Variants in ULK4 observed in about 807,000 individuals in gnomAD.
ULK4 encodes the protein unc-51 like kinase 4.
A neutral mutation model predicts 160.6 loss-of-function variants in ULK4; 133 were observed. That is an observed-to-expected ratio of 0.83 (90% CI 0.72 to 0.96). ULK4 has a LOEUF of 0.96. Among genes scored for constraint, ULK4 ranks in the 40% least tolerant of loss-of-function variants. ULK4 has a pLI of 0.00. For synonymous variants in ULK4, 534 were observed against 539.8 expected, an observed-to-expected ratio of 0.99 and a Z score of 0.15; for missense variants, 1,580 against 1,499.5, an observed-to-expected ratio of 1.05 and a Z score of -0.89.
chr3:41,375,437 G>C (rs2081467336), intron 35 of ULK4, among the ~76,000 whole-genome samples: 1 of 149,970 alleles, frequency 6.7e-6, no homozygotes, highest in Non-Finnish European at 1.5e-5. Flanking sequence ...CAGAGATATA[G>C]ACCAATGGAA....
intron 31 of ULK4, among the ~76,000 whole-genome samples, chr3:41,610,026 T>A (rs1016659645): frequency 1.2e-4 from 18 of 151,472 alleles, no homozygotes; most frequent in African/African-American, 1.9e-4. Flanking sequence ...TTTTATTTTT[T>A]TTTTTTTGGA....
chr3:41,858,386 G>A (rs955874359), intron 17 of ULK4, among the ~76,000 whole-genome samples: 3 of 151,372 alleles, frequency 2.0e-5, no homozygotes, highest in African/African-American at 7.3e-5. Flanking sequence ...TCCTGTCCTC[G>A]AGTGATCCAC....
intron 31 of ULK4, among the ~76,000 whole-genome samples, chr3:41,608,132 A>G (rs2032477467): frequency 6.6e-6 from 1 of 152,224 alleles, no homozygotes; most frequent in South Asian, 2.1e-4. Flanking sequence ...CCAATTTGGT[A>G]TCTCTAATAA....
At chr3:41,349,066 T>A (rs892995675) in intron 35 of ULK4, among the ~76,000 whole-genome samples, 1 of 152,168 alleles carries the variant, frequency 6.6e-6, no homozygotes, top group Non-Finnish European at 1.5e-5. Context: ...GGTGAAGCCC[T>A]CCAGTCTGAA....
intron 35 of ULK4, among the ~76,000 whole-genome samples, chr3:41,336,439 T>C (rs543236717): frequency 1.4e-4 from 21 of 152,218 alleles, no homozygotes; most frequent in African/African-American, 5.1e-4. Flanking sequence ...CAGAGGAAGG[T>C]CCTATGGACT....
At chr3:41,304,100 C>T (rs760280037) in intron 35 of ULK4, among the ~76,000 whole-genome samples, 10 of 151,896 alleles carry the variant, frequency 6.6e-5, no homozygotes, top group Non-Finnish European at 1.3e-4. Context: ...GGTGAAACCC[C>T]GTCTCTACTA....
Position 41,927,371 on chromosome 3 carries a change from C to T in ULK4, c.541+4473G>A, listed in dbSNP as rs368258265. ...AGCACTAAACATGGAAAGGAAAAAC[C>T]GGTACCAGCCACTGCAAAAACATAC... On this transcript the variant is annotated intron_variant, in intron 5 of 36. Transcript: ENST00000301831. Among the ~76,000 whole-genome samples the T allele has an allele frequency of 7.9e-4, 120 of 152,238 alleles. No homozygotes were observed. In the Middle Eastern group the frequency reaches 0.01, roughly 13 times the overall value.
intron 27 of ULK4, among the ~76,000 whole-genome samples, chr3:41,682,432 G>A (rs2035953838): frequency 6.6e-6 from 1 of 152,168 alleles, no homozygotes; most frequent in Admixed American, 6.5e-5. Flanking sequence ...GAAAACTACT[G>A]TTTCATTTGA....
chr3:41,373,677 G>A (rs1315346033), intron 35 of ULK4, among the ~76,000 whole-genome samples: 1 of 152,194 alleles, frequency 6.6e-6, no homozygotes, highest in Non-Finnish European at 1.5e-5. Context: ...GCCCACAGGA[G>A]AAAGCGGGAA....
At chr3:41,885,453 A>G (rs1344238255) in intron 16 of ULK4, among the ~76,000 whole-genome samples, 1 of 152,168 alleles carries the variant, frequency 6.6e-6, no homozygotes, top group Non-Finnish European at 1.5e-5. Context: ...GTTCCTTCTC[A>G]AAATTCAGGT....
rs185609819 is a variant in ULK4, at chr3:41,494,877, C to T, written c.3227-31624G>A. ...ACTTAGGAATCCAACTCACAAGGGA[C>T]GTGAAGGACCTCTTCAAGGAGAACT... On this transcript the variant is annotated intron_variant, in intron 32 of 36. Coordinates refer to ENST00000301831, the MANE Select transcript of ULK4 (RefSeq NM_017886.4). Among the ~76,000 whole-genome samples the T allele has an allele frequency of 1.4e-3, 209 of 152,012 alleles. 1 individual carries two copies. Among genetic ancestry groups the T allele is most frequent in the South Asian group, 0.012 (58 of 4,796 alleles).
At chr3:41,485,833 C>T (rs981653076) in intron 32 of ULK4, among the ~76,000 whole-genome samples, 13 of 152,156 alleles carry the variant, frequency 8.5e-5, no homozygotes, top group Admixed American at 3.3e-4. Flanking sequence ...GAAATCAATT[C>T]AAGTTATAAG....
chr3:41,743,343 A>C (rs77348003), intron 22 of ULK4, among the ~76,000 whole-genome samples: 1 of 151,876 alleles, frequency 6.6e-6, no homozygotes, highest in Non-Finnish European at 1.5e-5. Context: ...GAAAAAAAAA[A>C]CTGTCAACTA....
chr3:41,523,585 T>C (rs2086008949), intron 32 of ULK4, among the ~76,000 whole-genome samples: 1 of 152,122 alleles, frequency 6.6e-6, no homozygotes, highest in Admixed American at 6.5e-5. Flanking sequence ...ACATGAGACA[T>C]TACTTCACAC....
chr3:41,550,615 A>C (rs2087026296), intron 32 of ULK4, among the ~76,000 whole-genome samples: 1 of 152,036 alleles, frequency 6.6e-6, no homozygotes, highest in Non-Finnish European at 1.5e-5. Flanking sequence ...TTATGTACCC[A>C]ATGCCACAGA....
chr3:41,851,948 A>G (rs1244600855), intron 17 of ULK4, among the ~76,000 whole-genome samples: 2 of 152,174 alleles, frequency 1.3e-5, no homozygotes, highest in Non-Finnish European at 2.9e-5. Flanking sequence ...AAAAAAATCA[A>G]CGAATCCAGG....
At chr3:41,900,898 A>G (rs559485030) in intron 12 of ULK4, 69 bp from the exon 13 acceptor site, 3 of 1,143,508 alleles carry the variant, frequency 2.6e-6, no homozygotes, top group African/African-American at 3.0e-5. Flanking sequence ...CTGAACCAGT[A>G]AGATGCTGAG....
At chr3:41,785,301 T>C (rs893868970) in intron 21 of ULK4, among the ~76,000 whole-genome samples, 1 of 152,166 alleles carries the variant, frequency 6.6e-6, no homozygotes, top group South Asian at 2.1e-4. Flanking sequence ...AAAATACTCA[T>C]GAAAACAGCA....
At chr3:41,813,794 T>C (rs921473692) in intron 19 of ULK4, among the ~76,000 whole-genome samples, 1 of 152,246 alleles carries the variant, frequency 6.6e-6, no homozygotes, top group Non-Finnish European at 1.5e-5. Context: ...TTGCCTTTCA[T>C]GCAGTGAAGG....
Sources: gnomAD v4.1 joint callset for allele counts (sites outside exome capture counted in the v4.1 genomes callset) on GRCh38, gnomAD v4.1.1 for gene constraint, MANE v1.5 for transcripts, NCBI Gene and HGNC (gene_info 2026-07-23, HGNC 2026-07-21) for gene names.